Variants in HIVEP3 observed in about 807,000 individuals in gnomAD.
HIVEP3 encodes the protein transcription factor HIVEP3.
A neutral mutation model predicts 152.8 loss-of-function variants in HIVEP3; 49 were observed. The ratio of observed to expected loss-of-function variants is 0.32; its 90% CI spans 0.26 to 0.41. The LOEUF (loss-of-function observed/expected upper bound fraction) is 0.41, where lower values mean the gene tolerates loss of function less well. HIVEP3 is among the 10% of genes least tolerant of loss of function. The pLI, the probability that HIVEP3 is intolerant of heterozygous loss-of-function variation, is 1.00. For synonymous variants in HIVEP3, 1,269 were observed against 1,289.0 expected (o/e 0.98, Z 0.33); for missense variants, 2,790 against 3,103.3 (o/e 0.90, Z 2.40).
chr1:41,951,353 G>C (rs1014627431), intron 1 of HIVEP3, among the ~76,000 whole-genome samples: 5 of 152,262 alleles, frequency 3.3e-5, no homozygotes, highest in Middle Eastern at 6.8e-3. Flanking sequence ...ATTAAAACGA[G>C]ACAAAATTAG....
intron 3 of HIVEP3, among the ~76,000 whole-genome samples, chr1:41,605,371 A>ACG (rs71062595): frequency 0.044 from 5,508 of 126,482 alleles, 120 homozygotes; most frequent in South Asian, 0.1. Context: ...ACACACGCAC[A>ACG]CGCGCACACA....
chr1:41,961,434 T>C (rs1007853755), intron 1 of HIVEP3, among the ~76,000 whole-genome samples: 2 of 152,262 alleles, frequency 1.3e-5, no homozygotes, highest in African/African-American at 4.8e-5. Context: ...CTTCGCCACA[T>C]CACTGTTTTG....
intron 1 of HIVEP3, among the ~76,000 whole-genome samples, chr1:41,789,085 T>C (rs1459820228): frequency 6.6e-6 from 1 of 152,168 alleles, no homozygotes; most frequent in Non-Finnish European, 1.5e-5. Context: ...GCACCCTCCT[T>C]GGACACCGCT....
intron 1 of HIVEP3, among the ~76,000 whole-genome samples, chr1:42,032,416 C>T (rs765332165): frequency 6.6e-6 from 1 of 152,226 alleles, no homozygotes; most frequent in African/African-American, 2.4e-5. Context: ...AGCTGCAACA[C>T]CCGTTGGGAA....
rs746529841 is a variant in HIVEP3, at chr1:41,581,773, G to A, written c.3025C>T (p.Arg1009Cys). ...CTGCCATAGTCAAAGGATTTGCTGC[G>A]TGTCTCGGTCATGTGGGCAGAATGG... Reference protein sequence around the residue: ...VSHSAHMTETRSKSFDYGSLS... With the variant: ...VSHSAHMTETCSKSFDYGSLS... Residue 1009 changes from arginine to cysteine, a missense_variant, in exon 4 of 9, where the codon CGC becomes TGC. By Grantham distance (180) the Arg-to-Cys change is radical. Coordinates refer to ENST00000372583, the MANE Select transcript of HIVEP3 (RefSeq NM_024503.5). The surrounding 1 kb of genome is among the most constrained non-coding windows in gnomAD (Gnocchi z 4.5). The A allele has an allele frequency of 8.2e-6, 13 of 1,592,948 alleles. No individual in the cohort carries two copies. Among genetic ancestry groups the A allele is most frequent in the South Asian group, 6.9e-5 (6 of 87,486 alleles).
chr1:42,014,372 A>C (rs958006769), intron 1 of HIVEP3, among the ~76,000 whole-genome samples: 12 of 152,100 alleles, frequency 7.9e-5, no homozygotes, highest in African/African-American at 2.9e-4. Flanking sequence ...AGCACACAGC[A>C]AGGAAGGAGG....
At chr1:41,887,210 T>C (rs1644361913) in intron 1 of HIVEP3, among the ~76,000 whole-genome samples, 1 of 152,316 alleles carries the variant, frequency 6.6e-6, no homozygotes, top group South Asian at 2.1e-4. Flanking sequence ...GGGAAAAAAG[T>C]ATTATGGAGG....
chr1:41,801,680 C>T lies in HIVEP3; in HGVS notation c.-800-100685G>A, dbSNP rs887909131. Among the ~76,000 whole-genome samples the T allele has an allele frequency of 2.0e-5, 3 of 151,828 alleles. No individual in the cohort carries two copies. In the East Asian group the frequency reaches 5.8e-4, roughly 29 times the overall value. On this transcript the variant is annotated intron_variant, in intron 1 of 8. Transcript: ENST00000372583. ...GAATGTGTGAACCCGGGAGGCGGAGCTTGCAGTGAGCCGAGATCTCGCCAC... is the reference window on the plus strand; with the variant it reads ...GAATGTGTGAACCCGGGAGGCGGAGTTTGCAGTGAGCCGAGATCTCGCCAC...
At chr1:41,595,133 G>A (rs759466469) in intron 3 of HIVEP3, among the ~76,000 whole-genome samples, 4 of 152,114 alleles carry the variant, frequency 2.6e-5, no homozygotes, top group Non-Finnish European at 5.9e-5. Flanking sequence ...TGTAAATCTG[G>A]CATATACTTT....
intron 1 of HIVEP3, among the ~76,000 whole-genome samples, chr1:41,788,076 C>T (rs1430196426): frequency 6.6e-6 from 1 of 152,206 alleles, no homozygotes; most frequent in Non-Finnish European, 1.5e-5. Flanking sequence ...CTCTGTCTAC[C>T]CAGCCTCCCA....
intron 1 of HIVEP3, among the ~76,000 whole-genome samples, chr1:41,888,197 G>T (rs1023575344): frequency 2.9e-5 from 4 of 140,204 alleles, no homozygotes; most frequent in Non-Finnish European, 6.1e-5. Flanking sequence ...CACCACGCCC[G>T]GCTAATTTTT....
At chr1:41,915,775 A>C (rs1644861316) in intron 1 of HIVEP3, among the ~76,000 whole-genome samples, 1 of 152,176 alleles carries the variant, frequency 6.6e-6, no homozygotes, top group Non-Finnish European at 1.5e-5. Flanking sequence ...TGATGGTTAC[A>C]CCTACTTTAC....
At chr1:41,955,840 C>T (rs1645137608) in intron 1 of HIVEP3, among the ~76,000 whole-genome samples, 1 of 152,192 alleles carries the variant, frequency 6.6e-6, no homozygotes, top group African/African-American at 2.4e-5. Context: ...AGACAGGGAG[C>T]ACAGGAATGA....
intron 1 of HIVEP3, among the ~76,000 whole-genome samples, chr1:41,838,492 C>T (rs1338961033): frequency 1.3e-5 from 2 of 152,134 alleles, no homozygotes; most frequent in South Asian, 2.1e-4. Flanking sequence ...CGCTTGTGGT[C>T]GGCCTCGGAT....
intron 1 of HIVEP3, among the ~76,000 whole-genome samples, chr1:41,906,305 T>C (rs1277197349): frequency 6.8e-6 from 1 of 147,518 alleles, no homozygotes; most frequent in Admixed American, 6.6e-5. Context: ...CAAGACTCTG[T>C]CTGAAAAAAA....
At chr1:41,933,783 T>C (rs1645006676) in intron 1 of HIVEP3, among the ~76,000 whole-genome samples, 1 of 152,032 alleles carries the variant, frequency 6.6e-6, no homozygotes. Flanking sequence ...TTTGGGGGTG[T>C]GTGGAGGAAA....
intron 1 of HIVEP3, among the ~76,000 whole-genome samples, chr1:41,904,116 C>T (rs140552982): frequency 6.6e-6 from 1 of 152,112 alleles, no homozygotes; most frequent in African/African-American, 2.4e-5. Context: ...AGGCTAATCT[C>T]GAACTCATGG....
At chr1:41,990,789 A>G (rs1159577381) in intron 1 of HIVEP3, among the ~76,000 whole-genome samples, 6 of 136,554 alleles carry the variant, frequency 4.4e-5, no homozygotes, top group Non-Finnish European at 9.4e-5. Context: ...AACAGAAATT[A>G]TAACAAACTA....
intron 5 of HIVEP3, among the ~76,000 whole-genome samples, chr1:41,549,918 C>T (rs1643877663): frequency 6.6e-6 from 1 of 152,130 alleles, no homozygotes; most frequent in Non-Finnish European, 1.5e-5. Flanking sequence ...GTTGCCATTG[C>T]TTTTGGTGTT....
Sources: gnomAD v4.1 joint callset for allele counts (sites outside exome capture counted in the v4.1 genomes callset) on GRCh38, gnomAD v4.1.1 for gene constraint, Gnocchi (gnomAD v3.1) non-coding constraint, MANE v1.5 for transcripts, NCBI Gene and HGNC (gene_info 2026-07-23, HGNC 2026-07-21) for gene names.